HSPA12A: variants seen among roughly 807,000 people sequenced by gnomAD.
HSPA12A encodes heat shock 70 kDa protein 12A.
A neutral mutation model predicts 69.2 loss-of-function variants in HSPA12A; 28 were observed. The observed-to-expected ratio is 0.40, with a 90% CI of 0.30 to 0.55. The LOEUF (loss-of-function observed/expected upper bound fraction) is 0.55. HSPA12A is among the 20% of genes least tolerant of loss of function. The pLI is 0.38. For missense variants in HSPA12A, 686 were observed against 900.7 expected, an observed-to-expected ratio of 0.76 and a Z score of 3.05; for synonymous variants, 345 against 370.5, an observed-to-expected ratio of 0.93 and a Z score of 0.79.
chr10:116,724,088 G>A (rs868967528), intron 1 of HSPA12A, among the ~76,000 whole-genome samples: 1 of 152,158 alleles, frequency 6.6e-6, no homozygotes, highest in East Asian at 1.9e-4. Flanking sequence ...ACCTGGGGAG[G>A]GCCCAGCCTA....
intron 5 of HSPA12A, among the ~76,000 whole-genome samples, chr10:116,697,058 T>C (rs1408867721): frequency 6.6e-6 from 1 of 152,112 alleles, no homozygotes; most frequent in African/African-American, 2.4e-5. Flanking sequence ...ATTTCTACAC[T>C]GCCATAACTT....
intron 2 of HSPA12A, among the ~76,000 whole-genome samples, chr10:116,747,870 G>A (rs962270430): frequency 1.5e-4 from 23 of 152,174 alleles, no homozygotes; most frequent in African/African-American, 2.2e-4. Flanking sequence ...ATGGTGGTGC[G>A]TGCCTGTAAT....
At chr10:116,766,396 C>A (rs1554889760) in intron 2 of HSPA12A, among the ~76,000 whole-genome samples, 4 of 152,180 alleles carry the variant, frequency 2.6e-5, no homozygotes, top group East Asian at 1.9e-4. Context: ...TGGAGAGGAG[C>A]CAAAATGTGT....
intron 2 of HSPA12A, among the ~76,000 whole-genome samples, chr10:116,816,230 C>T (rs9420211): frequency 0.039 from 5,956 of 152,328 alleles, 353 homozygotes; most frequent in African/African-American, 0.13. Flanking sequence ...TCCAAATAAG[C>T]CATTCTTTCT....
At chr10:116,795,763 G>A (rs570397817) in intron 2 of HSPA12A, among the ~76,000 whole-genome samples, 1 of 149,028 alleles carries the variant, frequency 6.7e-6, no homozygotes, top group Admixed American at 6.7e-5. Context: ...TATTAAATAA[G>A]TATATCATAT....
upstream of HSPA12A, among the ~76,000 whole-genome samples, chr10:116,742,728 G>A (rs1851557477): frequency 6.6e-6 from 1 of 151,618 alleles, no homozygotes; most frequent in Non-Finnish European, 1.5e-5. Flanking sequence ...TGGCTCCGGA[G>A]CTGCGCTCCC....
intron 5 of HSPA12A, 147 bp downstream of exon 5, chr10:116,698,488 A>G: frequency 1.8e-6 from 1 of 567,752 alleles, no homozygotes; most frequent in African/African-American, 1.8e-5. Context: ...GTGAGGGTTC[A>G]TCCTGTTGTG....
At chr10:116,775,737 G>A (rs1168991805) in intron 2 of HSPA12A, among the ~76,000 whole-genome samples, 1 of 152,132 alleles carries the variant, frequency 6.6e-6, no homozygotes. Context: ...GGGACATCAG[G>A]GCACAGAAGT....
intron 1 of HSPA12A, among the ~76,000 whole-genome samples, chr10:116,726,408 C>T (rs1190159676): frequency 1.3e-5 from 2 of 152,116 alleles, no homozygotes; most frequent in Non-Finnish European, 2.9e-5. Context: ...CATGCATGCA[C>T]ATTCAGAGTT....
intron 2 of HSPA12A, among the ~76,000 whole-genome samples, chr10:116,814,681 G>C (rs544317288): frequency 3.3e-4 from 51 of 152,266 alleles, no homozygotes; most frequent in Non-Finnish European, 5.9e-4. Flanking sequence ...AGACAGCTCA[G>C]AGCCAAAAGA....
intron 2 of HSPA12A, among the ~76,000 whole-genome samples, chr10:116,792,025 C>T (rs1844709754): frequency 6.6e-6 from 1 of 151,946 alleles, no homozygotes; most frequent in African/African-American, 2.4e-5. Context: ...ATCAGAATTT[C>T]CTGGGAATGT....
At chr10:116,733,061 C>G (rs1183698419) in intron 1 of HSPA12A, among the ~76,000 whole-genome samples, 3 of 152,130 alleles carry the variant, frequency 2.0e-5, no homozygotes, top group Admixed American at 2.0e-4. Flanking sequence ...CCAGGGAAAC[C>G]ACCACCCAAA....
At chr10:116,840,212 G>A (rs969649696) in intron 1 of HSPA12A, among the ~76,000 whole-genome samples, 9 of 151,862 alleles carry the variant, frequency 5.9e-5, no homozygotes, top group African/African-American at 1.5e-4. Context: ...TCCAACATTC[G>A]GTTTATAAGA....
chr10:116,760,986 G>A (rs1428300412), intron 2 of HSPA12A, among the ~76,000 whole-genome samples: 1 of 151,446 alleles, frequency 6.6e-6, no homozygotes, highest in Non-Finnish European at 1.5e-5. Context: ...GATGTACGTG[G>A]GGAAAAGAAC....
intron 2 of HSPA12A, among the ~76,000 whole-genome samples, chr10:116,755,594 A>C (rs1308041047): frequency 6.9e-6 from 1 of 144,784 alleles, no homozygotes; most frequent in Non-Finnish European, 1.5e-5. Context: ...CCTGGGTGAA[A>C]GAGTGAGACT....
At chr10:116,840,367 G>A (rs1845784635) in intron 1 of HSPA12A, among the ~76,000 whole-genome samples, 2 of 152,060 alleles carry the variant, frequency 1.3e-5, no homozygotes, top group African/African-American at 4.8e-5. Flanking sequence ...CTTACACATT[G>A]ATAAATATAC....
intron 2 of HSPA12A, among the ~76,000 whole-genome samples, chr10:116,794,454 G>A (rs1443783892): frequency 6.6e-6 from 1 of 152,040 alleles, no homozygotes; most frequent in Non-Finnish European, 1.5e-5. Context: ...AAATTTCAAA[G>A]GACTGAACAC....
intron 2 of HSPA12A, among the ~76,000 whole-genome samples, chr10:116,761,575 A>C (rs1025872779): frequency 6.6e-5 from 10 of 152,018 alleles, no homozygotes; most frequent in Non-Finnish European, 1.0e-4. Context: ...AAAAGTAAAA[A>C]AAATAAAAAA....
rs868970678 is a variant in HSPA12A at position 116,676,439 on chromosome 10, G to C, written c.1350C>G (p.Ala450=). ...TGCTATCGATGGTCGGCTTAAAAAGGGCGTTCATGGCATCTGGACTCATCC... is the reference window on the plus strand; with the variant it reads ...TGCTATCGATGGTCGGCTTAAAAAGCGCGTTCATGGCATCTGGACTCATCC... ...MLRMSPDAMN[A]LFKPTIDSII... The change falls in exon 11 of 12, where the codon GCC becomes GCG. Residue 450 remains alanine (A), a synonymous_variant. Transcript: ENST00000369209. The C allele has an allele frequency of 2.5e-6, 4 of 1,613,944 alleles. No homozygotes were observed. Among genetic ancestry groups the C allele is most frequent in the Admixed American group, 3.3e-5 (2 of 60,008 alleles).
Sources: gnomAD v4.1 joint callset for allele counts (sites outside exome capture counted in the v4.1 genomes callset) on GRCh38, gnomAD v4.1.1 for gene constraint, MANE v1.5 for transcripts, NCBI Gene and HGNC (gene_info 2026-07-23, HGNC 2026-07-21) for gene names.